MAST4: variants seen among roughly 807,000 people sequenced by gnomAD.
The protein encoded by MAST4 is microtubule-associated serine/threonine-protein kinase 4.
MAST4 carries 89 observed loss-of-function variants against 162.7 expected under a neutral mutation model. That is an observed-to-expected ratio of 0.55 (90% CI 0.46 to 0.65). MAST4 has a LOEUF of 0.65. Ranked by LOEUF, MAST4 falls within the 30% of genes least tolerant of loss-of-function variation. The pLI, the probability that MAST4 is intolerant of heterozygous loss-of-function variation, is 0.00. For synonymous variants in MAST4, 1,479 were observed against 1,361.1 expected (o/e 1.09, Z -1.91); for missense variants, 3,153 against 3,374.0 (o/e 0.93, Z 1.62).
chr5:67,005,334 C>G (rs1366080482), intron 4 of MAST4, among the ~76,000 whole-genome samples: 1 of 152,128 alleles, frequency 6.6e-6, no homozygotes, highest in East Asian at 1.9e-4. Context: ...TAAGACATTT[C>G]CTTGTGAGAG....
chr5:66,878,209 A>G (rs1284539083), intron 3 of MAST4, among the ~76,000 whole-genome samples: 1 of 152,230 alleles, frequency 6.6e-6, no homozygotes, highest in South Asian at 2.1e-4. Context: ...TCTCCTGGTC[A>G]TTGTTTAACT....
At chr5:67,054,293 A>G in intron 4 of MAST4, 111 bp from the exon 5 acceptor site, 1 of 753,394 alleles carries the variant, frequency 1.3e-6, no homozygotes, top group Non-Finnish European at 2.1e-6. Context: ...AATTTTAACA[A>G]TAACATGAGC....
At chr5:66,725,216 C>A (rs1751437462) in intron 1 of MAST4, among the ~76,000 whole-genome samples, 1 of 151,606 alleles carries the variant, frequency 6.6e-6, no homozygotes, top group East Asian at 1.9e-4. Flanking sequence ...TAAAAGATGG[C>A]TTTATGCTTT....
intron 4 of MAST4, among the ~76,000 whole-genome samples, chr5:66,953,779 A>G (rs1744973774): frequency 6.6e-6 from 1 of 152,176 alleles, no homozygotes; most frequent in Non-Finnish European, 1.5e-5. Flanking sequence ...TTTCTAGAAT[A>G]GCACTTTTGA....
rs759964578 is a variant in MAST4 at position 67,166,142 on chromosome 5, C to A, written c.6963C>A (p.Ser2321=). Residue 2321 remains serine, a synonymous_variant, in exon 29 of 29, where the codon TCC becomes TCA. Coordinates refer to ENST00000403625, the MANE Select transcript of MAST4 (RefSeq NM_001164664.2). The part of the protein sequence containing the change: ...GPSEPADQKL[S]AVGEKQTLSP... ...GTGAGCCAGCGGACCAGAAACTGTC[C>A]GCTGTTGGTGAAAAGCAAACCCTGT... The A allele has an allele frequency of 1.3e-6, 2 of 1,586,306 alleles. No individual in the cohort carries two copies. Among genetic ancestry groups the A allele is most frequent in the Admixed American group, 1.8e-5 (1 of 55,346 alleles).
chr5:67,010,667 C>T (rs191713110), intron 4 of MAST4, among the ~76,000 whole-genome samples: 121 of 152,242 alleles, frequency 7.9e-4, no homozygotes, highest in African/African-American at 2.8e-3. Context: ...GGAAAGGAGA[C>T]TTAGTCGGAA....
At chr5:66,787,079 C>G (rs1755153042) in intron 2 of MAST4, among the ~76,000 whole-genome samples, 1 of 152,052 alleles carries the variant, frequency 6.6e-6, no homozygotes, top group Non-Finnish European at 1.5e-5. Flanking sequence ...TTTGCATTTT[C>G]TTCTTGTGAA....
At chr5:66,718,711 G>A (rs1016550710) in intron 1 of MAST4, among the ~76,000 whole-genome samples, 3 of 152,068 alleles carry the variant, frequency 2.0e-5, no homozygotes, top group African/African-American at 4.8e-5. Context: ...GCTCTGTTCC[G>A]GTAAAGCCAA....
chr5:66,624,858 C>G (rs1408369449), intron 1 of MAST4, among the ~76,000 whole-genome samples: 1 of 152,142 alleles, frequency 6.6e-6, no homozygotes, highest in African/African-American at 2.4e-5. Flanking sequence ...GAAATCAACT[C>G]AAAATGGATG....
At chr5:66,792,274 C>G (rs1755448454) in intron 3 of MAST4, 1 of 167,940 alleles carries the variant, frequency 6.0e-6, no homozygotes, top group African/African-American at 2.4e-5. Flanking sequence ...ATCCTCTCCT[C>G]CTGGCCTCTC....
intron 1 of MAST4, among the ~76,000 whole-genome samples, chr5:66,748,085 C>A (rs754584005): frequency 6.6e-6 from 1 of 152,062 alleles, no homozygotes; most frequent in Non-Finnish European, 1.5e-5. Context: ...AGAAACATGA[C>A]TAGGTATGTG....
At chr5:67,069,533 G>A (rs923575563) in intron 5 of MAST4, among the ~76,000 whole-genome samples, 1 of 152,040 alleles carries the variant, frequency 6.6e-6, no homozygotes, top group African/African-American at 2.4e-5. Flanking sequence ...GGGCCCAACA[G>A]ACATAAGATG....
At chr5:66,772,695 G>A (rs1338370182) in intron 2 of MAST4, among the ~76,000 whole-genome samples, 3 of 152,198 alleles carry the variant, frequency 2.0e-5, no homozygotes, top group Non-Finnish European at 1.5e-5. Flanking sequence ...TGCTGTTTTA[G>A]GGTGTAAATG....
At chr5:66,600,897 C>T (rs1742508927) in intron 1 of MAST4, among the ~76,000 whole-genome samples, 1 of 152,134 alleles carries the variant, frequency 6.6e-6, no homozygotes, top group Non-Finnish European at 1.5e-5. Flanking sequence ...AGAGGATTTC[C>T]AACTCAACAA....
rs1178435775 is a variant in MAST4, at chr5:67,104,459, A to T, written c.1240A>T (p.Thr414Ser). 6.2e-7 allele frequency: 1 copy of T among 1,613,764 alleles called. No individual in the cohort carries two copies. The highest frequency in any genetic ancestry group is 8.5e-7 in the Non-Finnish European group (1 of 1,179,812). The change falls in exon 10 of 29, where the codon ACT becomes TCT. Residue 414 changes from threonine to serine, a missense_variant. Transcript: ENST00000403625. Reference protein sequence around the residue: ...LPLADGVLSFTHHQIIELARD... With the variant: ...LPLADGVLSFSHHQIIELARD... Reference sequence around the variant, plus strand: ...CTTAGCAGATGGAGTGCTTAGTTTCACTCACCACCAGATTATTGAACTGGC... The same window carrying T: ...CTTAGCAGATGGAGTGCTTAGTTTCTCTCACCACCAGATTATTGAACTGGC...
chr5:66,793,885 G>A (rs1755533701), intron 3 of MAST4, among the ~76,000 whole-genome samples: 1 of 152,024 alleles, frequency 6.6e-6, no homozygotes, highest in African/African-American at 2.4e-5. Flanking sequence ...CATATCGTTT[G>A]CTTATTTTAT....
chr5:66,676,109 G>A (rs1050793452), intron 1 of MAST4, among the ~76,000 whole-genome samples: 4 of 152,188 alleles, frequency 2.6e-5, no homozygotes, highest in Admixed American at 2.6e-4. Flanking sequence ...TAAAATGCAA[G>A]TGGATATAAA....
chr5:66,733,803 A>G (rs1752004878), intron 1 of MAST4, among the ~76,000 whole-genome samples: 1 of 152,148 alleles, frequency 6.6e-6, no homozygotes. Flanking sequence ...AGAAGATAAC[A>G]GAAAATGTGC....
chr5:66,621,261 A>G (rs1744058097), intron 1 of MAST4, among the ~76,000 whole-genome samples: 1 of 152,218 alleles, frequency 6.6e-6, no homozygotes, highest in Non-Finnish European at 1.5e-5. Context: ...AAAATGTCCA[A>G]GGCACTACTG....
Sources: allele counts gnomAD v4.1 joint callset (sites outside exome capture counted in the v4.1 genomes callset), GRCh38; gene constraint gnomAD v4.1.1; transcripts MANE v1.5; gene names NCBI Gene and HGNC (gene_info 2026-07-23, HGNC 2026-07-21).